The following FOXN3 variants were observed in gnomAD, a reference collection of about 807,000 sequenced individuals.
The protein encoded by FOXN3 is forkhead box N3, also known as forkhead box protein N3.
In FOXN3, 7 loss-of-function variants were observed where a neutral mutation model predicts 38.4. The observed-to-expected ratio is 0.18, with a 90% CI of 0.10 to 0.34. The LOEUF is 0.34. Among genes scored for constraint, FOXN3 ranks in the 10% least tolerant of loss-of-function variants. The probability of loss-of-function intolerance (pLI) is 1.00; values close to 1 mark genes in which losing one functional copy is unlikely to be tolerated. For missense variants in FOXN3, 456 were observed against 613.4 expected, an observed-to-expected ratio of 0.74 and a Z score of 2.71; for synonymous variants, 230 against 242.2, an observed-to-expected ratio of 0.95 and a Z score of 0.47.
intron 1 of FOXN3, among the ~76,000 whole-genome samples, chr14:89,532,667 A>G (rs1014349783): frequency 3.3e-5 from 5 of 152,250 alleles, no homozygotes; most frequent in Non-Finnish European, 7.3e-5. Context: ...AGAGGATCCT[A>G]TTTAGAATGA....
chr14:89,301,108 T>C (rs1887204082), intron 3 of FOXN3, among the ~76,000 whole-genome samples: 2 of 152,286 alleles, frequency 1.3e-5, no homozygotes, highest in South Asian at 4.1e-4. Context: ...CAGCCTCAGA[T>C]GTTTATTTTT....
intron 3 of FOXN3, among the ~76,000 whole-genome samples, chr14:89,320,230 A>G (rs1473247571): frequency 6.6e-6 from 1 of 152,242 alleles, no homozygotes; most frequent in Non-Finnish European, 1.5e-5. Context: ...TTACATCAAC[A>G]TAATTACACA....
intron 1 of FOXN3, among the ~76,000 whole-genome samples, chr14:89,488,525 C>T (rs1414752062): frequency 1.3e-5 from 2 of 151,608 alleles, no homozygotes; most frequent in South Asian, 2.1e-4. Context: ...TGGTGGTACA[C>T]GCCTGTAGTC....
At chr14:89,256,966 C>T (rs1207295168) in intron 4 of FOXN3, among the ~76,000 whole-genome samples, 1 of 152,198 alleles carries the variant, frequency 6.6e-6, no homozygotes, top group Non-Finnish European at 1.5e-5. Flanking sequence ...TTAGACCCCT[C>T]AAGATATTCA....
intron 5 of FOXN3, 65 bp downstream of exon 5, chr14:89,180,636 C>T (rs1887641676): frequency 2.5e-6 from 3 of 1,194,562 alleles, no homozygotes; most frequent in African/African-American, 3.1e-5. Context: ...AGAAGGGACC[C>T]CGTGGACAGA....
rs889126385 is a variant in FOXN3 at position 89,412,389 on chromosome 14, C to T, written c.88G>A (p.Gly30Ser). Residue 30 changes from glycine to serine, a missense_variant, in exon 2 of 6, where the codon GGT (glycine) becomes AGT (serine). Gly to Ser is a moderately conservative substitution (Grantham distance 56). Around this residue, in one of 3 missense-constraint regions of FOXN3, gnomAD observed 59 missense variants for 69.0 expected, o/e 0.85. Transcript: ENST00000557258. This position sits in a 1 kb window ranked among gnomAD's most constrained non-coding sequence, Gnocchi z 4.7. ...TCTTCCTGAAGGGCCTTGGAGAAAC[C>T]GCTGCCCCCGTAACACTGACTCAGT... ...SGLSQCYGGSGFSKALQEDDD... is the reference protein window; with the variant it reads ...SGLSQCYGGSSFSKALQEDDD... 6 of 1,614,130 alleles carry T rather than the reference C, an allele frequency of 3.7e-6. No individual in the cohort carries two copies. Among genetic ancestry groups the T allele is most frequent in the East Asian group, 4.5e-5 (2 of 44,876 alleles).
intron 3 of FOXN3, among the ~76,000 whole-genome samples, chr14:89,294,839 G>A (rs186431914): frequency 2.6e-5 from 4 of 152,184 alleles, no homozygotes; most frequent in Admixed American, 2.0e-4. Context: ...GCAGCCCTCC[G>A]GACTGCTCTA....
At chr14:89,476,831 G>A (rs1182606626) in intron 1 of FOXN3, among the ~76,000 whole-genome samples, 1 of 152,078 alleles carries the variant, frequency 6.6e-6, no homozygotes, top group Non-Finnish European at 1.5e-5. Flanking sequence ...TCTCTAACAC[G>A]TGATAATCTT....
At chr14:89,605,424 A>G (rs1271279156) in intron 1 of FOXN3, among the ~76,000 whole-genome samples, 1 of 152,170 alleles carries the variant, frequency 6.6e-6, no homozygotes, top group African/African-American at 2.4e-5. Context: ...CCAAACTACT[A>G]TAGAATACAT....
Position 89,548,990 on chromosome 14 carries a change from G to A in FOXN3, c.-15+70038C>T, listed in dbSNP as rs1050006609. Among the ~76,000 whole-genome samples, 1 of 151,926 alleles carries A rather than the reference G, an allele frequency of 6.6e-6. No homozygotes were observed. Among genetic ancestry groups the A allele is most frequent in the African/African-American group, 2.4e-5 (1 of 41,330 alleles). On this transcript the variant is annotated intron_variant, in intron 1 of 6. Transcript: ENST00000345097. The surrounding 1 kb of genome is among the most constrained non-coding windows in gnomAD (Gnocchi z 4.8). ...AAAAATTAGCCAGGCGTAGTGGCCG[G>A]TGCTTGTAATCCCAGCTACTCGGGA...
intron 1 of FOXN3, among the ~76,000 whole-genome samples, chr14:89,527,070 G>A (rs1013685837): frequency 1.3e-5 from 2 of 151,476 alleles, no homozygotes; most frequent in Non-Finnish European, 2.9e-5. Context: ...AGGAGGAAGG[G>A]GAAGGGAGGA....
chr14:89,574,306 A>G (rs2139899232), intron 1 of FOXN3, among the ~76,000 whole-genome samples: 1 of 152,368 alleles, frequency 6.6e-6, no homozygotes, highest in African/African-American at 2.4e-5. Context: ...ATGGTAGTTC[A>G]TTTAACCAAG....
At chr14:89,185,695 A>T (rs1887787060) in intron 4 of FOXN3, 1 of 152,214 alleles carries the variant, frequency 6.6e-6, no homozygotes, top group Non-Finnish European at 1.5e-5. Context: ...TTTATCTTTT[A>T]GATGAGAGAA....
intron 2 of FOXN3, chr14:89,355,174 T>C (rs981081822): frequency 3.4e-5 from 5 of 149,224 alleles, no homozygotes; most frequent in Admixed American, 3.3e-4. Context: ...AGAGCCCATA[T>C]TGTAGGAAGA....
upstream of FOXN3, chr14:89,417,873 C>G: frequency 2.4e-6 from 1 of 411,792 alleles, no homozygotes; most frequent in Non-Finnish European, 5.0e-6. Context: ...AGACAAGAGG[C>G]ACCGTCCTAA....
intron 3 of FOXN3, among the ~76,000 whole-genome samples, chr14:89,288,352 T>C (rs1886701253): frequency 6.6e-6 from 1 of 152,194 alleles, no homozygotes; most frequent in Non-Finnish European, 1.5e-5. Context: ...GAGACTCAAC[T>C]GATTTCAAAG....
intron 1 of FOXN3, among the ~76,000 whole-genome samples, chr14:89,586,874 G>C (rs899664937): frequency 2.6e-5 from 4 of 152,234 alleles, no homozygotes; most frequent in African/African-American, 9.6e-5. Context: ...CCAATCACAT[G>C]ACTCAGTATC....
chr14:89,368,898 C>T (rs17125764), intron 2 of FOXN3, among the ~76,000 whole-genome samples: 26,646 of 152,134 alleles, frequency 0.18, 2,372 homozygotes, highest in East Asian at 0.23. Flanking sequence ...GGGAGAGAAA[C>T]TCCGCCAGGG....
intron 1 of FOXN3, among the ~76,000 whole-genome samples, chr14:89,544,984 G>A (rs1279717346): frequency 1.3e-5 from 2 of 152,198 alleles, no homozygotes; most frequent in African/African-American, 4.8e-5. Context: ...GATAAGTGGG[G>A]ACTACTTCCA....
Sources: allele counts gnomAD v4.1 joint callset (sites outside exome capture counted in the v4.1 genomes callset), GRCh38; gene constraint gnomAD v4.1.1; regional missense constraint gnomAD v4.1.1; non-coding constraint Gnocchi (gnomAD v3.1); transcripts MANE v1.5; gene names NCBI Gene and HGNC (gene_info 2026-07-23, HGNC 2026-07-21).